Variants in MGA observed in about 807,000 individuals in gnomAD.
The protein encoded by MGA is MAX dimerization protein MGA.
In MGA, 40 loss-of-function variants were observed where a neutral mutation model predicts 261.1. The observed-to-expected ratio is 0.15, with a 90% CI of 0.12 to 0.20. The LOEUF (loss-of-function observed/expected upper bound fraction) is 0.20. Ranked by LOEUF, MGA falls within the 10% of genes least tolerant of loss-of-function variation. The probability of loss-of-function intolerance (pLI) is 1.00; values close to 1 mark genes in which losing one functional copy is unlikely to be tolerated. For synonymous variants in MGA, 1,302 were observed against 1,290.6 expected, an observed-to-expected ratio of 1.01 and a Z score of -0.19; for missense variants, 3,397 against 3,630.5, an observed-to-expected ratio of 0.94 and a Z score of 1.65.
chr15:41,737,317 T>G, intron 13 of MGA, among the ~76,000 whole-genome samples: 1 of 151,586 alleles, frequency 6.6e-6, no homozygotes. Context: ...TGTTTTTTTT[T>G]GTTTTTGTTT....
Position 41,696,222 on chromosome 15 carries a change from G to C in MGA, c.1212G>C (p.Gln404His), listed in dbSNP as rs2059545891. Residue 404 changes from glutamine (Q) to histidine (H), a missense_variant, in exon 3 of 24, where the codon CAG becomes CAC. Gln to His is a conservative substitution (Grantham distance 24). This residue lies in a region of MGA where 563 missense variants were observed against 563.6 expected (regional missense o/e 1.00). Transcript: ENST00000219905. ...GCCCAGAAGGGGTCACTGTGAAACA[G>C]GAAGAGACAGATGAAGAGACGGATG... 2 of 1,613,970 alleles carry C rather than the reference G, an allele frequency of 1.2e-6. No homozygotes were observed. Among genetic ancestry groups the C allele is most frequent in the Non-Finnish European group, 1.7e-6 (2 of 1,179,896 alleles).
At chr15:41,753,377 CT>C (rs35896458) in intron 17 of MGA, among the ~76,000 whole-genome samples, 38,076 of 143,576 alleles carry the variant, frequency 0.27, 5,070 homozygotes, top group Middle Eastern at 0.44. Flanking sequence ...ATAGTAAACA[CT>C]TTTTTTTTTT....
At chr15:41,721,937 T>C (rs150150342) in intron 9 of MGA, among the ~76,000 whole-genome samples, 14 of 152,122 alleles carry the variant, frequency 9.2e-5, no homozygotes, top group African/African-American at 3.4e-4. Context: ...AAATGTCTAA[T>C]AACAATAGAA....
Position 41,736,524 on chromosome 15 carries a change from A to T in MGA, c.4260A>T (p.Pro1420=), listed in dbSNP as rs745913118. The change falls in exon 13 of 24, where the codon CCA becomes CCT. Residue 1420 remains proline, a synonymous_variant. Transcript: ENST00000219905. ...CTGGATCAGAGACTCCTGATGGTCC[A>T]TTGTCCCCTGGGAAAATGGAGGATA... 11 of 1,613,924 alleles carry T rather than the reference A, an allele frequency of 6.8e-6. No individual in the cohort carries two copies. In the African/African-American group the frequency reaches 1.3e-4, roughly 20 times the overall value.
At chr15:41,687,151 C>T (rs890182914) in intron 2 of MGA, among the ~76,000 whole-genome samples, 46 of 151,660 alleles carry the variant, frequency 3.0e-4, no homozygotes, top group African/African-American at 1.1e-3. Context: ...TGATTTTTCT[C>T]TCATCATTAA....
At chr15:41,724,627 G>A (rs1178535306) in intron 9 of MGA, among the ~76,000 whole-genome samples, 1 of 152,170 alleles carries the variant, frequency 6.6e-6, no homozygotes, top group African/African-American at 2.4e-5. Flanking sequence ...CAGGGCTATG[G>A]AGAGCCATGG....
chr15:41,762,108 A>T (rs1773563294), intron 21 of MGA, 21 bp from the exon 22 acceptor site: 2 of 1,569,940 alleles, frequency 1.3e-6, no homozygotes, highest in Admixed American at 1.7e-5. Flanking sequence ...GAAAGTGCTA[A>T]TGTATTCTGT....
At chr15:41,684,190 A>G (rs1221593585) in intron 2 of MGA, among the ~76,000 whole-genome samples, 1 of 152,180 alleles carries the variant, frequency 6.6e-6, no homozygotes, top group Non-Finnish European at 1.5e-5. Flanking sequence ...GTGCCTAACA[A>G]AATGTCTGGC....
intron 2 of MGA, among the ~76,000 whole-genome samples, chr15:41,674,656 A>G (rs1215384027): frequency 1.3e-5 from 2 of 151,832 alleles, no homozygotes; most frequent in Non-Finnish European, 2.9e-5. Context: ...AGTAGTTGGG[A>G]CTATAGACGC....
At chr15:41,668,178 CT>C (rs1348922411) in intron 1 of MGA, among the ~76,000 whole-genome samples, 3 of 150,750 alleles carry the variant, frequency 2.0e-5, no homozygotes, top group Non-Finnish European at 4.4e-5. Context: ...TATCAAAAAA[CT>C]TTTCTCAGGA....
chr15:41,756,980 GAT>G (rs10649888), intron 18 of MGA, among the ~76,000 whole-genome samples: 8 of 149,882 alleles, frequency 5.3e-5, no homozygotes, highest in Admixed American at 2.0e-4. Context: ...TTTTTGTTTA[GAT>G]ATATATATAT....
At position 41,748,644 on chromosome 15, in the gene MGA, T is replaced by G; in HGVS notation, c.5220T>G (p.Ala1740=). The change falls in exon 16 of 24, where the codon GCT becomes GCG. Residue 1740 remains alanine, a synonymous_variant. Coordinates refer to ENST00000219905, the MANE Select transcript of MGA (RefSeq NM_001164273.2). ...CCATTTCCTGTTTTTCAGAAAATGCTGCTCAAATTCCAGTGGCTACTCCAC... is the reference window on the plus strand; with the variant it reads ...CCATTTCCTGTTTTTCAGAAAATGCGGCTCAAATTCCAGTGGCTACTCCAC... 2 of 1,607,484 alleles carry G rather than the reference T, an allele frequency of 1.2e-6. No individual in the cohort carries two copies. Among genetic ancestry groups the G allele is most frequent in the Non-Finnish European group, 8.5e-7 (1 of 1,175,160 alleles).
At chr15:41,737,253 T>C (rs1347194611) in intron 13 of MGA, among the ~76,000 whole-genome samples, 1 of 152,074 alleles carries the variant, frequency 6.6e-6, no homozygotes, top group African/African-American at 2.4e-5. Context: ...GCCTCCCAAG[T>C]AGCTGGGATT....
At chr15:41,687,250 GT>G (rs1438183287) in intron 2 of MGA, among the ~76,000 whole-genome samples, 1 of 151,940 alleles carries the variant, frequency 6.6e-6, no homozygotes, top group Non-Finnish European at 1.5e-5. Context: ...CCTACCGTTG[GT>G]TTTTACTTGG....
intron 2 of MGA, among the ~76,000 whole-genome samples, chr15:41,671,229 G>T (rs532670555): frequency 6.6e-6 from 1 of 152,200 alleles, no homozygotes; most frequent in Non-Finnish European, 1.5e-5. Flanking sequence ...GATGAGATGG[G>T]GGGGAGGATT....
chr15:41,746,531 C>T (rs944512265), intron 15 of MGA, among the ~76,000 whole-genome samples: 7 of 118,226 alleles, frequency 5.9e-5, no homozygotes, highest in Non-Finnish European at 9.6e-5. Context: ...GGCAACAGAG[C>T]GAGACTTCGT....
chr15:41,726,004 C>T (rs569552879), intron 9 of MGA, among the ~76,000 whole-genome samples: 1 of 152,222 alleles, frequency 6.6e-6, no homozygotes, highest in South Asian at 2.1e-4. Flanking sequence ...ATATATTGGT[C>T]TATAACATGA....
chr15:41,656,829 T>G (rs1157907401), upstream of MGA, among the ~76,000 whole-genome samples: 3 of 152,108 alleles, frequency 2.0e-5, no homozygotes, highest in Admixed American at 6.5e-5. Flanking sequence ...CAGACTGGAG[T>G]GCAGTGGCAC....
chr15:41,720,571 C>T (rs1370846924), intron 9 of MGA, among the ~76,000 whole-genome samples: 2 of 152,090 alleles, frequency 1.3e-5, no homozygotes, highest in East Asian at 1.9e-4. Flanking sequence ...ATGGCTTACA[C>T]CTGTAATCCT....
Sources: gnomAD v4.1 joint callset for allele counts (sites outside exome capture counted in the v4.1 genomes callset) on GRCh38, gnomAD v4.1.1 for gene constraint, gnomAD v4.1.1 regional missense constraint, MANE v1.5 for transcripts, NCBI Gene and HGNC (gene_info 2026-07-23, HGNC 2026-07-21) for gene names.